The following ARHGEF11 variants were observed in gnomAD, a reference collection of about 807,000 sequenced individuals.
The protein encoded by ARHGEF11 is Rho guanine exchange factor (GEF) 11.
In ARHGEF11, 55 loss-of-function variants were observed where a neutral mutation model predicts 193.7. The ratio of observed to expected loss-of-function variants is 0.28; its 90% CI spans 0.23 to 0.36. The LOEUF (loss-of-function observed/expected upper bound fraction) is 0.36. ARHGEF11 is among the 10% of genes least tolerant of loss of function. The probability of loss-of-function intolerance (pLI) is 1.00; values close to 1 mark genes in which losing one functional copy is unlikely to be tolerated. For synonymous variants in ARHGEF11, 693 were observed against 768.0 expected (o/e 0.90, Z 1.62); for missense variants, 1,723 against 2,005.6 (o/e 0.86, Z 2.69).
chr1:156,962,597 G>C (rs1404844520), intron 13 of ARHGEF11, among the ~76,000 whole-genome samples: 1 of 152,084 alleles, frequency 6.6e-6, no homozygotes, highest in African/African-American at 2.4e-5. Context: ...CGAAGGAAGA[G>C]GCCGGGCGTG....
At chr1:157,016,294 A>G (rs1407385267) in intron 1 of ARHGEF11, among the ~76,000 whole-genome samples, 4 of 152,116 alleles carry the variant, frequency 2.6e-5, no homozygotes, top group African/African-American at 4.8e-5. Flanking sequence ...ATCTTGGCTC[A>G]CTGCAACCTC....
intron 1 of ARHGEF11, among the ~76,000 whole-genome samples, chr1:157,037,960 A>T (rs1046432649): frequency 8.0e-6 from 1 of 125,654 alleles, no homozygotes; most frequent in African/African-American, 3.0e-5. Context: ...TGAACCCAGG[A>T]GGTGGAGGTT....
chr1:156,942,633 C>T (rs1220673375), intron 33 of ARHGEF11, 57 bp downstream of exon 33: 4 of 1,538,020 alleles, frequency 2.6e-6, no homozygotes, highest in East Asian at 2.3e-5. Flanking sequence ...TCCTCATAAA[C>T]ACCACCCTGG....
intron 11 of ARHGEF11, 60 bp from the exon 12 acceptor site, chr1:156,963,654 C>T (rs1261349389): frequency 4.4e-6 from 7 of 1,586,496 alleles, no homozygotes; most frequent in Admixed American, 1.9e-5. Context: ...GATTCAACCA[C>T]CTCAGTGAAG....
chr1:157,033,350 T>TA (rs1215992351), intron 1 of ARHGEF11, among the ~76,000 whole-genome samples: 1 of 151,962 alleles, frequency 6.6e-6, no homozygotes, highest in South Asian at 2.1e-4. Context: ...CATACCCCCA[T>TA]ATAATCAACT....
At position 156,935,937 on chromosome 1, in the gene ARHGEF11, C is replaced by T; in HGVS notation, c.*63G>A. On this transcript the variant is annotated 3_prime_UTR_variant, in exon 41 of 41. Coordinates refer to ENST00000368194, the MANE Select transcript of ARHGEF11 (RefSeq NM_198236.3). ...TGTTGGGATCCCCCCTACCCTGTGC[C>T]CCGGTCTCAGGCCAGTCCCTGAAGG... 6.5e-7 allele frequency: 1 copy of T among 1,550,342 alleles called. No individual in the cohort carries two copies. The highest frequency in any genetic ancestry group is 8.8e-7 in the Non-Finnish European group (1 of 1,137,564).
intron 1 of ARHGEF11, among the ~76,000 whole-genome samples, chr1:156,995,559 CTT>C (rs551046629): frequency 2.3e-4 from 33 of 143,664 alleles, no homozygotes; most frequent in Non-Finnish European, 2.3e-4. Context: ...TTTTCTTCTT[CTT>C]TTTTTTTTTT....
At chr1:157,027,687 T>C (rs949750139) in intron 1 of ARHGEF11, among the ~76,000 whole-genome samples, 3 of 152,218 alleles carry the variant, frequency 2.0e-5, no homozygotes, top group African/African-American at 7.2e-5. Flanking sequence ...CCTGATGCTC[T>C]TTCACAGCCT....
intron 1 of ARHGEF11, among the ~76,000 whole-genome samples, chr1:156,991,778 G>A (rs1259594473): frequency 2.3e-5 from 3 of 131,550 alleles, no homozygotes; most frequent in South Asian, 2.6e-4. Flanking sequence ...GTGCAGTGGC[G>A]GGATCTCGGC....
rs1334411985 is a variant in ARHGEF11, at chr1:157,016,466, T to C, written c.32+27833A>G. ...AACTCTTGGCCTCAAGTGATCCACC[T>C]GCCTCGGCCTCCTGAAGTGCTGGGA... On this transcript the variant is annotated intron_variant, in intron 1 of 40. Transcript: ENST00000368194. Among the ~76,000 whole-genome samples, 8 of 152,260 alleles carry C rather than the reference T, an allele frequency of 5.3e-5. No individual in the cohort carries two copies. The South Asian group carries it at 1.7e-3, about 32-fold the overall frequency.
intron 13 of ARHGEF11, 67 bp downstream of exon 13, chr1:156,963,136 A>T (rs149568185): frequency 1.6e-6 from 2 of 1,257,908 alleles, no homozygotes; most frequent in Non-Finnish European, 2.3e-6. Context: ...GAGCAGAAAC[A>T]GAGGCTAGAG....
At position 156,941,909 on chromosome 1, in the gene ARHGEF11, G is replaced by A. The variant is rs767386127; in HGVS notation, c.3407C>T (p.Pro1136Leu). ...CTGGGCTGGCTCCCGGGGACCTGGG[G>A]GTGGAGGATGGACGGGCATTGGGGC... ...GAAPMPVHPP[P>L]PGPREPAQQG... Residue 1136 changes from proline (P) to leucine (L), a missense_variant, in exon 34 of 41, where the codon CCC (proline) becomes CTC (leucine). Transcript: ENST00000368194. 17 of 1,613,854 alleles carry A rather than the reference G, an allele frequency of 1.1e-5. No individual in the cohort carries two copies. The African/African-American group carries it at 2.1e-4, about 20-fold the overall frequency.
At position 156,935,785 on chromosome 1, in the gene ARHGEF11, T is replaced by G; in HGVS notation, c.*215A>C. The G allele has an allele frequency of 5.3e-6, 3 of 563,256 alleles. No individual in the cohort carries two copies. The highest frequency in any genetic ancestry group is 4.9e-5 in the South Asian group (2 of 41,090). The allele number at this position is 563,256 out of a possible 1,614,324, so 34.9% of individuals were successfully genotyped here. On this transcript the variant is annotated 3_prime_UTR_variant, in exon 41 of 41. Transcript: ENST00000368194. ...TTAGGAGACATGAGGCCTTGGAGGG[T>G]TGGGCTAAGGGAGGGAAAAGACACT...
At chr1:156,942,104 C>G in intron 33 of ARHGEF11, 115 bp from the exon 34 acceptor site, 1 of 1,485,574 alleles carries the variant, frequency 6.7e-7, no homozygotes, top group Non-Finnish European at 9.2e-7. Flanking sequence ...CTCTGCCTGG[C>G]AGGTGCCCAC....
chr1:157,025,156 A>G lies in ARHGEF11; in HGVS notation c.32+19143T>C, dbSNP rs146206615. ...AATCAGAGAGAAGGGGAGATTTGTT[A>G]TCTCTACCAAACTGATGGTACAGAC... On this transcript the variant is annotated intron_variant, in intron 1 of 40. Coordinates refer to ENST00000368194, the MANE Select transcript of ARHGEF11 (RefSeq NM_198236.3). Among the ~76,000 whole-genome samples the G allele has an allele frequency of 2.5e-3, 384 of 152,332 alleles. 2 individuals carry two copies. The highest frequency in any genetic ancestry group is 8.7e-3 in the African/African-American group (363 of 41,574).
intron 31 of ARHGEF11, 96 bp from the exon 32 acceptor site, chr1:156,944,198 T>C: frequency 1.3e-6 from 2 of 1,493,336 alleles, no homozygotes; most frequent in Non-Finnish European, 1.8e-6. Context: ...CTCTAGGAAG[T>C]CCTGGGAGTC....
intron 14 of ARHGEF11, among the ~76,000 whole-genome samples, 162 bp downstream of exon 14, chr1:156,961,513 TGA>T (rs1660846849): frequency 6.6e-6 from 1 of 152,194 alleles, no homozygotes; most frequent in African/African-American, 2.4e-5. Context: ...TGAGATTTTT[TGA>T]GAGTGGCGCT....
intron 30 of ARHGEF11, 143 bp downstream of exon 30, chr1:156,944,876 G>A (rs1657824842): frequency 2.7e-6 from 3 of 1,111,672 alleles, no homozygotes; most frequent in South Asian, 3.0e-5. Context: ...ATAGCAGGGT[G>A]TGTGTCTTCT....
intron 3 of ARHGEF11, among the ~76,000 whole-genome samples, chr1:156,984,094 G>A (rs1664582747): frequency 6.6e-6 from 1 of 152,236 alleles, no homozygotes. Flanking sequence ...TCTGCCTGAT[G>A]ATGACCTGAC....
Sources: allele counts gnomAD v4.1 joint callset (sites outside exome capture counted in the v4.1 genomes callset), GRCh38; gene constraint gnomAD v4.1.1; transcripts MANE v1.5; gene names NCBI Gene and HGNC (gene_info 2026-07-23, HGNC 2026-07-21).